Variants in PGAP4 observed in about 807,000 individuals in gnomAD.
The protein encoded by PGAP4 is post-GPI attachment to proteins GalNAc transferase 4.
Under a neutral mutation model 28.2 loss-of-function variants are expected in PGAP4, and 12 were observed. The ratio of observed to expected loss-of-function variants is 0.42; its 90% CI spans 0.27 to 0.69. The LOEUF (loss-of-function observed/expected upper bound fraction) is 0.69. Among genes scored for constraint, PGAP4 ranks in the 30% least tolerant of loss-of-function variants. PGAP4 has a pLI of 0.22. For synonymous variants in PGAP4, 205 were observed against 211.8 expected (o/e 0.97, Z 0.28); for missense variants, 425 against 513.5 (o/e 0.83, Z 1.67).
chr9:101,508,741 A>G (rs1366292118), intron 2 of PGAP4, among the ~76,000 whole-genome samples: 2 of 152,182 alleles, frequency 1.3e-5, no homozygotes, highest in African/African-American at 4.8e-5. Context: ...ATTGTATTAC[A>G]TAATGAAATA....
chr9:101,486,570 A>G lies in PGAP4; in HGVS notation c.-78+379T>C, dbSNP rs1317512004. Among the ~76,000 whole-genome samples the G allele has an allele frequency of 1.3e-5, 2 of 152,056 alleles. No homozygotes were observed. The highest frequency in any genetic ancestry group is 2.9e-5 in the Non-Finnish European group (2 of 67,984). On this transcript the variant is annotated intron_variant, in intron 1 of 1. Transcript: ENST00000374848. The surrounding 1 kb of genome is among the most constrained non-coding windows in gnomAD (Gnocchi z 4.7). ...GCTAGGCTCGGCGAGGGTCTTACCC[A>G]GACTGGCACGCGCCCCGCTCGCGTC...
At chr9:101,523,650 TTTGG>T (rs1827008460) in intron 2 of PGAP4, among the ~76,000 whole-genome samples, 1 of 110,550 alleles carries the variant, frequency 9.0e-6, no homozygotes, top group African/African-American at 3.3e-5. Context: ...TTTTTTTTTT[TTTGG>T]ATTTCCTTGC....
intron 2 of PGAP4, among the ~76,000 whole-genome samples, chr9:101,525,446 C>T (rs1175836870): frequency 8.6e-5 from 13 of 151,612 alleles, no homozygotes; most frequent in African/African-American, 2.9e-4. Flanking sequence ...GTGGCTCATG[C>T]CTGTAATCTC....
intron 2 of PGAP4, among the ~76,000 whole-genome samples, chr9:101,498,336 G>A (rs769062655): frequency 9.3e-5 from 14 of 149,924 alleles, no homozygotes; most frequent in South Asian, 4.2e-4. Context: ...CATTTTAACC[G>A]TTTTTTTTTA....
In PGAP4 at chr9:101,526,599, G is replaced by A. The variant is rs192454365; in HGVS notation, c.-165+4749C>T. Reference sequence around the variant, plus strand: ...CAAGTAGCTGAGACTACAGGTATGCGCCACCATGCCTGGCTAATTTTGTGT... The same window carrying A: ...CAAGTAGCTGAGACTACAGGTATGCACCACCATGCCTGGCTAATTTTGTGT... On this transcript the variant is annotated intron_variant, in intron 2 of 3. Coordinates refer to the PGAP4 transcript ENST00000374851. Among the ~76,000 whole-genome samples, 27 of 152,144 alleles carry A rather than the reference G, an allele frequency of 1.8e-4. No individual in the cohort carries two copies. The East Asian group carries it at 4.3e-3, about 24-fold the overall frequency.
rs137973408 is a variant in PGAP4 at position 101,521,150 on chromosome 9, A to G, written c.-165+10198T>C. Among the ~76,000 whole-genome samples the G allele has an allele frequency of 3.4e-4, 51 of 152,180 alleles. 1 individual carries two copies. Among genetic ancestry groups the G allele is most frequent in the African/African-American group, 1.1e-3 (46 of 41,524 alleles). On this transcript the variant is annotated intron_variant, in intron 2 of 3. Transcript: ENST00000374851. ...TTTTGTGAAGGATTTTAGTGTCTGT[A>G]TTCATCAAGGATATCAGTCTGTAGT...
rs750602186 is a variant in PGAP4 at position 101,473,769 on chromosome 9, T to A, written c.*2112A>T. On this transcript the variant is annotated 3_prime_UTR_variant, in exon 2 of 2. Coordinates refer to ENST00000374848, the MANE Select transcript of PGAP4 (RefSeq NM_032342.3). ...ACTGTCATTGGTCAAAAAACTTTCA[T>A]GAGGAGATCCAATCACTAATGCAAC... is the stretch of plus-strand genomic sequence containing the variant. 6.6e-6 allele frequency: 1 copy of A among 152,246 alleles called. No homozygotes were observed. The highest frequency in any genetic ancestry group is 1.5e-5 in the Non-Finnish European group (1 of 68,066). 9.4% of individuals were successfully genotyped at this position (152,246 alleles called of 1,614,324 possible).
Position 101,477,070 on chromosome 9 carries a change from G to A in PGAP4, c.23C>T (p.Ala8Val), listed in dbSNP as rs769624827. 2 of 1,597,002 alleles carry A rather than the reference G, an allele frequency of 1.3e-6. No homozygotes were observed. The highest frequency in any genetic ancestry group is 1.7e-6 in the Non-Finnish European group (2 of 1,173,016). MSTSTSP[A>V]AMLLRRLRRL... Reference sequence around the variant, plus strand: ...CCGCAGCCTCCGGAGGAGCATGGCAGCTGGAGAGGTTGAAGTGCTCATGAG... The same window carrying A: ...CCGCAGCCTCCGGAGGAGCATGGCAACTGGAGAGGTTGAAGTGCTCATGAG... The change falls in exon 2 of 2, where the codon GCT (alanine) becomes GTT (valine). Residue 8 changes from alanine to valine, a missense_variant. By Grantham distance (64) the Ala-to-Val change is moderately conservative. Coordinates refer to ENST00000374848, the MANE Select transcript of PGAP4 (RefSeq NM_032342.3).
intron 1 of PGAP4, among the ~76,000 whole-genome samples, chr9:101,482,196 C>A (rs960980049): frequency 1.3e-5 from 2 of 152,290 alleles, no homozygotes; most frequent in South Asian, 4.2e-4. Context: ...ACCGGTAATC[C>A]CACCACTTTG....
intron 2 of PGAP4, among the ~76,000 whole-genome samples, chr9:101,506,136 C>T (rs1826846593): frequency 6.6e-6 from 1 of 152,086 alleles, no homozygotes; most frequent in African/African-American, 2.4e-5. Context: ...TAAACACAGG[C>T]TGCCTATTCT....
chr9:101,477,923 G>A (rs370031014), intron 1 of PGAP4, among the ~76,000 whole-genome samples: 105 of 152,198 alleles, frequency 6.9e-4, no homozygotes, highest in Middle Eastern at 3.4e-3. Context: ...GAGGGAGCGG[G>A]GGGGGAAAGG....
chr9:101,480,975 G>C (rs149172143), intron 1 of PGAP4, among the ~76,000 whole-genome samples: 1 of 152,038 alleles, frequency 6.6e-6, no homozygotes, highest in Non-Finnish European at 1.5e-5. Flanking sequence ...CCAGGAGATT[G>C]AGACCAGCCT....
At position 101,516,478 on chromosome 9, in the gene PGAP4, A is replaced by G. The variant is rs555663434; in HGVS notation, c.-165+14870T>C. On this transcript the variant is annotated intron_variant, in intron 2 of 3. Coordinates refer to the PGAP4 transcript ENST00000374851. The stretch of plus-strand genomic sequence containing the variant: ...TTTTCCATGTGGTAACTAATTTCAC[A>G]TTTTGCCATGAATTCTTGCCAAATG... 8.7e-4 allele frequency among the ~76,000 whole-genome samples: 132 copies of G among 152,304 alleles called. 1 individual carries two copies. The Middle Eastern group carries it at 0.031, about 35-fold the overall frequency.
At chr9:101,482,691 A>T (rs1826521255) in intron 1 of PGAP4, among the ~76,000 whole-genome samples, 8 of 152,114 alleles carry the variant, frequency 5.3e-5, no homozygotes, top group Admixed American at 5.2e-4. Context: ...ACACTGTCTA[A>T]CTCAACCATC....
chr9:101,495,486 C>T (rs868299772), intron 2 of PGAP4, among the ~76,000 whole-genome samples: 1 of 90,948 alleles, frequency 1.1e-5, no homozygotes, highest in Non-Finnish European at 2.2e-5. Context: ...TATATATAGG[C>T]TTTCTGTGGC....
chr9:101,514,711 AAAG>A lies in PGAP4; in HGVS notation c.-165+16634_-165+16636del, dbSNP rs536183194. On this transcript the variant is annotated intron_variant, in intron 2 of 3. Coordinates refer to the PGAP4 transcript ENST00000374851. ...GTTGGGTTGGGGGCAGAGTGTAAGAAAAGAAGGAGGAAACTAAAGGGAATAAGG... is the reference window on the plus strand; with the variant it reads ...GTTGGGTTGGGGGCAGAGTGTAAGAAAAGGAGGAAACTAAAGGGAATAAGG... Among the ~76,000 whole-genome samples the A allele has an allele frequency of 6.7e-4, 102 of 152,260 alleles. 2 individuals are homozygous for A. Among genetic ancestry groups the A allele is most frequent in the African/African-American group, 1.9e-3 (79 of 41,558 alleles).
At chr9:101,511,354 C>T (rs1448430242) in intron 2 of PGAP4, among the ~76,000 whole-genome samples, 1 of 152,150 alleles carries the variant, frequency 6.6e-6, no homozygotes, top group African/African-American at 2.4e-5. Context: ...GGTCTCCAAA[C>T]CCCAGGCCAC....
At chr9:101,482,589 TC>T (rs1230968212) in intron 1 of PGAP4, among the ~76,000 whole-genome samples, 1 of 152,124 alleles carries the variant, frequency 6.6e-6, no homozygotes, top group Admixed American at 6.5e-5. Context: ...ATTCAATGAT[TC>T]CCCCATGACT....
At chr9:101,524,974 G>A (rs1305329159) in intron 2 of PGAP4, among the ~76,000 whole-genome samples, 1 of 152,172 alleles carries the variant, frequency 6.6e-6, no homozygotes. Flanking sequence ...ATCTAGTCCT[G>A]CCTCCCATCT....
Sources: gnomAD v4.1 joint callset for allele counts (sites outside exome capture counted in the v4.1 genomes callset) on GRCh38, gnomAD v4.1.1 for gene constraint, Gnocchi (gnomAD v3.1) non-coding constraint, MANE v1.5 for transcripts, NCBI Gene and HGNC (gene_info 2026-07-23, HGNC 2026-07-21) for gene names.